Variants in JAG1 observed in about 807,000 individuals in gnomAD.
JAG1 encodes jagged canonical Notch ligand 1, also known as protein jagged-1.
Under a neutral mutation model 148.7 loss-of-function variants are expected in JAG1, and 23 were observed. That is an observed-to-expected ratio of 0.15 (90% CI 0.11 to 0.22). The LOEUF (loss-of-function observed/expected upper bound fraction) is 0.22. Ranked by LOEUF, JAG1 falls within the 10% of genes least tolerant of loss-of-function variation. The probability of loss-of-function intolerance (pLI) is 1.00; values close to 1 mark genes in which losing one functional copy is unlikely to be tolerated. For synonymous variants in JAG1, 572 were observed against 598.3 expected, an observed-to-expected ratio of 0.96 and a Z score of 0.64; for missense variants, 1,054 against 1,611.2, an observed-to-expected ratio of 0.65 and a Z score of 5.92.
In JAG1 at chr20:10,673,166, C is replaced by CAAA. The variant is rs33929314; in HGVS notation, c.82-163_82-161dup. 2.9e-4 allele frequency: 172 copies of CAAA among 590,942 alleles called. No individual in the cohort carries two copies. Among genetic ancestry groups the CAAA allele is most frequent in the Non-Finnish European group, 3.9e-4 (133 of 339,788 alleles). The allele number at this position is 590,942 out of a possible 1,614,324, so 36.6% of individuals were successfully genotyped here. A position where few individuals can be genotyped will look rare whatever the true frequency, so the allele number is the denominator to read the frequency against. On this transcript the variant is annotated intron_variant, in intron 1 of 25. Coordinates refer to ENST00000254958, the MANE Select transcript of JAG1 (RefSeq NM_000214.3). This position sits in a 1 kb window ranked among gnomAD's most constrained non-coding sequence, Gnocchi z 4.7. ...TCAAGGACTCAACATGATTCCGGGG[C>CAAA]AAAAAAAAAAAAAAATGCACGAGTG...
Position 10,672,810 on chromosome 20 carries a change from C to G in JAG1, c.278G>C (p.Ser93Thr). ...QSRVTAGGPC[S>T]FGSGSTPVIG... ...GACAGGCGTGGACCCTGAGCCGAAG[C>G]TGCAGGGCCCCCCGGCCGTGACGCG... The change falls in exon 2 of 26, where the codon AGC becomes ACC. Residue 93 changes from serine (S) to threonine (T), a missense_variant. Around this residue, in one of 6 missense-constraint regions of JAG1, gnomAD observed 151 missense variants for 211.1 expected, o/e 0.72. Transcript: ENST00000254958. 6.2e-7 allele frequency: 1 copy of G among 1,613,178 alleles called. No individual in the cohort carries two copies. Among genetic ancestry groups the G allele is most frequent in the Non-Finnish European group, 8.5e-7 (1 of 1,180,016 alleles).
In JAG1 at chr20:10,650,505, C is replaced by T. The variant is rs189648297; in HGVS notation, c.1121-145G>A. The T allele has an allele frequency of 2.7e-4, 183 of 668,624 alleles. 1 individual carries two copies. Among genetic ancestry groups the T allele is most frequent in the African/African-American group, 1.7e-3 (95 of 56,268 alleles). 41.4% of individuals were successfully genotyped at this position (668,624 alleles called of 1,614,324 possible). ...GAAAGCTACAGCAGGACAAGTGGGA[C>T]GGTGACGATAAGGCCGAAGCCTTGA... On this transcript the variant is annotated intron_variant, in intron 8 of 25. Coordinates refer to ENST00000254958, the MANE Select transcript of JAG1 (RefSeq NM_000214.3).
rs757475216 is a variant in JAG1 at position 10,641,433 on chromosome 20, A to C, written c.2916+27T>G. On this transcript the variant is annotated intron_variant, in intron 23 of 25. Transcript: ENST00000254958. Reference sequence around the variant, plus strand: ...GCAAGCAAGCAGACATCCACCATTCAAAAAAAAAACAAAGGTTGTTACATA... The same window carrying C: ...GCAAGCAAGCAGACATCCACCATTCCAAAAAAAAACAAAGGTTGTTACATA... 5.7e-5 allele frequency: 44 copies of C among 772,044 alleles called. No homozygotes were observed. In the African/African-American group the frequency reaches 6.1e-4, roughly 11 times the overall value. 47.8% of individuals were successfully genotyped at this position (772,044 alleles called of 1,614,324 possible). A position where few individuals can be genotyped will look rare whatever the true frequency, so the allele number is the denominator to read the frequency against.
chr20:10,671,836 T>C lies in JAG1; in HGVS notation c.387+865A>G, dbSNP rs770058942. ...AGCTGGGCCCGGGCCTCGAGCTCCT[T>C]TGGGGGCGGAATGGGGCGGGGGGAT... On this transcript the variant is annotated intron_variant, in intron 2 of 25. Coordinates refer to ENST00000254958, the MANE Select transcript of JAG1 (RefSeq NM_000214.3). 1.6e-4 allele frequency among the ~76,000 whole-genome samples: 24 copies of C among 152,168 alleles called. 1 individual carries two copies. The highest frequency in any genetic ancestry group is 9.1e-4 in the Admixed American group (14 of 15,302).
At chr20:10,651,150 A>G (rs117873058) in intron 8 of JAG1, 4,320 of 170,552 alleles carry the variant, frequency 0.025, 96 homozygotes, top group Admixed American at 0.071. Flanking sequence ...AGCCCAGGTG[A>G]TTCTGATATA....
chr20:10,646,958 C>T lies in JAG1; in HGVS notation c.1866G>A (p.Thr622=), dbSNP rs140624746. The change falls in exon 14 of 26, where the codon ACG becomes ACA. Residue 622 remains threonine, a synonymous_variant. Coordinates refer to ENST00000254958, the MANE Select transcript of JAG1 (RefSeq NM_000214.3). Reference sequence around the variant, plus strand: ...TCTTACTTTCATGGCAGTATGTTCCCGTGAAGCCTTTGTTACAGTCACAGG... The same window carrying T: ...TCTTACTTTCATGGCAGTATGTTCCTGTGAAGCCTTTGTTACAGTCACAGG... The part of the protein sequence containing the change: ...KFTCDCNKGF[T]GTYCHENIND... 28 of 1,614,062 alleles carry T rather than the reference C, an allele frequency of 1.7e-5. No homozygotes were observed. The highest frequency in any genetic ancestry group is 4.0e-5 in the African/African-American group (3 of 74,918).
rs753523220 is a variant in JAG1, at chr20:10,639,961, A to C, written c.3200-6T>G. The C allele has an allele frequency of 1.2e-6, 2 of 1,609,448 alleles. No individual in the cohort carries two copies. Among genetic ancestry groups the C allele is most frequent in the Non-Finnish European group, 8.5e-7 (1 of 1,176,044 alleles). ...CAGCAAGGGAACAAGGAAATCTGTA[A>C]GGCAGGCACAAAACCAATTAACTCT... On this transcript the variant is annotated splice_polypyrimidine_tract_variant and splice_region_variant and intron_variant, in intron 25 of 25. Transcript: ENST00000254958.
At chr20:10,650,164 G>A (rs923266943) in intron 9 of JAG1, 83 bp downstream of exon 9, 32 of 825,132 alleles carry the variant, frequency 3.9e-5, no homozygotes, top group South Asian at 1.4e-4. Flanking sequence ...TCACACTGCC[G>A]GCCACACGCT....
At chr20:10,651,833 C>G in intron 7 of JAG1, 139 bp from the exon 8 acceptor site, 1 of 710,674 alleles carries the variant, frequency 1.4e-6, no homozygotes, top group South Asian at 1.5e-5. Context: ...TGATAGAACC[C>G]TGCTGTGTCT....
chr20:10,673,058 G>A lies in JAG1; in HGVS notation c.82-52C>T, dbSNP rs1346978493. ...AGCGCGGGAGAAAGCTGTTTTCTTCGAGTATAGAGGTGGCGACTCCCTCCC... is the reference window on the plus strand; with the variant it reads ...AGCGCGGGAGAAAGCTGTTTTCTTCAAGTATAGAGGTGGCGACTCCCTCCC... On this transcript the variant is annotated intron_variant, in intron 1 of 25. Transcript: ENST00000254958. The surrounding 1 kb of genome is among the most constrained non-coding windows in gnomAD (Gnocchi z 4.7). 8.4e-6 allele frequency: 13 copies of A among 1,548,328 alleles called. 1 individual carries two copies. Among genetic ancestry groups the A allele is most frequent in the Admixed American group, 1.7e-5 (1 of 59,424 alleles).
intron 5 of JAG1, 106 bp from the exon 6 acceptor site, chr20:10,652,704 T>C: frequency 7.9e-7 from 1 of 1,271,566 alleles, no homozygotes; most frequent in Non-Finnish European, 1.1e-6. Context: ...GTTTTGTTTC[T>C]GGGGACAGGA....
Position 10,639,683 on chromosome 20 carries a change from C to T in JAG1, c.3472G>A (p.Glu1158Lys). 1 of 1,614,234 alleles carries T rather than the reference C, an allele frequency of 6.2e-7. No homozygotes were observed. The highest frequency in any genetic ancestry group is 1.1e-5 in the South Asian group (1 of 91,088). The change falls in exon 26 of 26, where the codon GAG (glutamate) becomes AAG (lysine). Residue 1158 changes from glutamate to lysine, a missense_variant. Glu to Lys is a moderately conservative substitution (Grantham distance 56). This residue lies in a region of JAG1 where 177 missense variants were observed against 177.3 expected (regional missense o/e 1.00). Transcript: ENST00000254958. ...KIRTHNSEVE[E>K]DDMDKHQQKA... ...TGCTGGTGTTTGTCCATGTCGTCCT[C>T]TTCTACTTCAGAATTGTGTGTCCTT...
chr20:10,658,861 T>G, intron 3 of JAG1, 139 bp from the exon 4 acceptor site: 1 of 896,632 alleles, frequency 1.1e-6, no homozygotes, highest in Non-Finnish European at 1.7e-6. Flanking sequence ...ATGAAAAGTT[T>G]ATGCCCCTAC....
intron 5 of JAG1, among the ~76,000 whole-genome samples, chr20:10,655,703 A>ACAGACAC (rs1355097735): frequency 6.6e-6 from 1 of 152,154 alleles, no homozygotes; most frequent in Non-Finnish European, 1.5e-5. Context: ...CAAAAACACC[A>ACAGACAC]CAGACACCAA....
intron 10 of JAG1, 114 bp downstream of exon 10, chr20:10,649,408 C>G: frequency 1.3e-6 from 1 of 742,520 alleles, no homozygotes; most frequent in Non-Finnish European, 2.4e-6. Flanking sequence ...AAAACCATTC[C>G]CACTCTAAGG....
chr20:10,663,048 CA>C (rs2067428011), intron 3 of JAG1, among the ~76,000 whole-genome samples: 1 of 150,924 alleles, frequency 6.6e-6, no homozygotes, highest in African/African-American at 2.4e-5. Context: ...AAAAGCAAGG[CA>C]AGGAAAGATG....
rs1600179383 is a variant in JAG1, at chr20:10,641,839, A to C, written c.2626T>G (p.Trp876Gly). The C allele has an allele frequency of 4.3e-6, 7 of 1,614,058 alleles. No homozygotes were observed. The highest frequency in any genetic ancestry group is 8.5e-7 in the Non-Finnish European group (1 of 1,179,976). ...TGGCAGGTATTACAGTCATCATCCC[A>C]TTTGGCCCCATCTGGTATCACACTC... Reference protein sequence around the residue: ...MGSVIPDGAKWDDDCNTCQCL... With the variant: ...MGSVIPDGAKGDDDCNTCQCL... The change falls in exon 22 of 26, where the codon TGG (tryptophan) becomes GGG (glycine). Residue 876 changes from tryptophan to glycine, a missense_variant. Trp to Gly is a radical substitution (Grantham distance 184, BLOSUM62 -2). This residue lies in a region of JAG1 where 342 missense variants were observed against 514.6 expected (regional missense o/e 0.66). Coordinates refer to ENST00000254958, the MANE Select transcript of JAG1 (RefSeq NM_000214.3).
rs1432816643 is a variant in JAG1 at position 10,647,905 on chromosome 20, TGG to T, written c.1720+53_1720+54del. ...TGTAACAAGGGGCAGTGGTAGTAAG[TGG>T]GGACAAAAGGAGCAAGTCTGGAGAC... is the stretch of plus-strand genomic sequence containing the variant. On this transcript the variant is annotated intron_variant, in intron 13 of 25. Coordinates refer to ENST00000254958, the MANE Select transcript of JAG1 (RefSeq NM_000214.3). 4 of 1,589,080 alleles carry T rather than the reference TGG, an allele frequency of 2.5e-6. No individual in the cohort carries two copies. The East Asian group carries it at 8.9e-5, about 35-fold the overall frequency.
At position 10,652,268 on chromosome 20, in the gene JAG1, G is replaced by T. The variant is rs746171191; in HGVS notation, c.887-18C>A. 1.9e-6 allele frequency: 3 copies of T among 1,613,740 alleles called. No homozygotes were observed. Among genetic ancestry groups the T allele is most frequent in the Non-Finnish European group, 2.5e-6 (3 of 1,179,862 alleles). The stretch of plus-strand genomic sequence containing the variant: ...ATTGAGATCTGCCAAAAAGATCCTG[G>T]AGTCACTAAGAGACGCCTGTGAAGA... On this transcript the variant is annotated intron_variant, in intron 6 of 25. Coordinates refer to ENST00000254958, the MANE Select transcript of JAG1 (RefSeq NM_000214.3).
Sources: allele counts gnomAD v4.1 joint callset (sites outside exome capture counted in the v4.1 genomes callset), GRCh38; gene constraint gnomAD v4.1.1; regional missense constraint gnomAD v4.1.1; non-coding constraint Gnocchi (gnomAD v3.1); transcripts MANE v1.5; gene names NCBI Gene and HGNC (gene_info 2026-07-23, HGNC 2026-07-21).